CACNA1E: variants seen among roughly 807,000 people sequenced by gnomAD.
CACNA1E encodes the protein voltage-dependent R-type calcium channel subunit alpha-1E.
A neutral mutation model predicts 259.2 loss-of-function variants in CACNA1E; 40 were observed. The ratio of observed to expected loss-of-function variants is 0.15; its 90% CI spans 0.12 to 0.20. CACNA1E has a LOEUF of 0.20. CACNA1E is among the 10% of genes least tolerant of loss of function. CACNA1E has a pLI of 1.00. For missense variants in CACNA1E, 1,874 were observed against 3,040.1 expected (o/e 0.62, Z 9.02); for synonymous variants, 1,104 against 1,138.5 (o/e 0.97, Z 0.61).
intron 2 of CACNA1E, among the ~76,000 whole-genome samples, chr1:181,431,987 A>G (rs1237340149): frequency 3.9e-5 from 6 of 152,136 alleles, no homozygotes; most frequent in East Asian, 1.9e-4. Flanking sequence ...CCACCCTGCC[A>G]TCTTTAGTGT....
chr1:181,697,488 T>G (rs950271791), intron 7 of CACNA1E, among the ~76,000 whole-genome samples: 13 of 152,250 alleles, frequency 8.5e-5, no homozygotes, highest in Non-Finnish European at 1.5e-4. Context: ...AAGTGGTCAT[T>G]AGTATGATGA....
chr1:181,628,830 ACTGATTGAT>A (rs1250681330), intron 6 of CACNA1E, among the ~76,000 whole-genome samples: 1 of 152,158 alleles, frequency 6.6e-6, no homozygotes, highest in East Asian at 1.9e-4. Flanking sequence ...AACATTCATT[ACTGATTGAT>A]CTTGAGTTGG....
intron 1 of CACNA1E, among the ~76,000 whole-genome samples, chr1:181,375,771 C>T (rs1430116351): frequency 6.6e-6 from 1 of 152,148 alleles, no homozygotes; most frequent in Non-Finnish European, 1.5e-5. Flanking sequence ...TCTACTCATC[C>T]TTCCAGTCTT....
chr1:181,730,792 G>T lies in CACNA1E; in HGVS notation c.2241-383G>T, dbSNP rs141760958. Among the ~76,000 whole-genome samples the T allele has an allele frequency of 2.5e-3, 382 of 152,290 alleles. 4 individuals carry two copies. Among genetic ancestry groups the T allele is most frequent in the African/African-American group, 8.8e-3 (364 of 41,554 alleles). On this transcript the variant is annotated intron_variant, in intron 18 of 47. Transcript: ENST00000367573. ...GCTATGCTAGCCCTAGAAATGACTC[G>T]GGGGAGGGGAAGAAAACTACTCAGC...
chr1:181,407,912 A>G (rs1041246909), intron 1 of CACNA1E, among the ~76,000 whole-genome samples: 53 of 152,236 alleles, frequency 3.5e-4, no homozygotes, highest in African/African-American at 1.3e-3. Flanking sequence ...TTTCCATCTT[A>G]TAACTTTTAA....
At chr1:181,718,025 G>T in intron 11 of CACNA1E, 30 bp from the exon 12 acceptor site, 1 of 1,140,998 alleles carries the variant, frequency 8.8e-7, no homozygotes, top group South Asian at 1.3e-5. Context: ...CCCACATGTG[G>T]AACCAATGCT....
chr1:181,754,755 G>A (rs1433945705), intron 27 of CACNA1E, among the ~76,000 whole-genome samples: 3 of 152,184 alleles, frequency 2.0e-5, no homozygotes, highest in Non-Finnish European at 4.4e-5. Flanking sequence ...AGATGATAGT[G>A]TATTATTACC....
chr1:181,562,922 A>C (rs1412053460), intron 3 of CACNA1E, among the ~76,000 whole-genome samples: 4 of 152,194 alleles, frequency 2.6e-5, no homozygotes, highest in African/African-American at 9.6e-5. Context: ...CAGGCAGCAA[A>C]CAGTTCCTGT....
intron 2 of CACNA1E, among the ~76,000 whole-genome samples, chr1:181,471,009 A>C (rs184938540): frequency 5.5e-4 from 84 of 152,310 alleles, no homozygotes; most frequent in African/African-American, 1.8e-3. Flanking sequence ...TCAAAGATCA[A>C]AGTGCTGGCA....
chr1:181,611,402 G>GTT (rs72452833), intron 6 of CACNA1E, among the ~76,000 whole-genome samples: 26 of 145,348 alleles, frequency 1.8e-4, no homozygotes, highest in Non-Finnish European at 2.0e-4. Context: ...TTAAGTCAGT[G>GTT]TTTTTTTTTT....
At chr1:181,365,983 T>A (rs1296549229) in intron 1 of CACNA1E, among the ~76,000 whole-genome samples, 2 of 152,130 alleles carry the variant, frequency 1.3e-5, no homozygotes, top group African/African-American at 4.8e-5. Context: ...TGGGGAGATG[T>A]TGCAGGGGAC....
Position 181,707,553 on chromosome 1 carries a change from C to A in CACNA1E, c.1056-3401C>A, listed in dbSNP as rs79902836. Among the ~76,000 whole-genome samples, 1,216 of 152,258 alleles carry A rather than the reference C, an allele frequency of 8.0e-3. 12 individuals are homozygous for A. Among genetic ancestry groups the A allele is most frequent in the Non-Finnish European group, 0.012 (844 of 68,018 alleles). ...TTGGCCTATCCTACCAGAAATCAAG[C>A]TACATCGTCATTCTGGGGGCCTTAT... On this transcript the variant is annotated intron_variant, in intron 7 of 47. Transcript: ENST00000367573.
At chr1:181,656,690 T>A (rs1028169382) in intron 7 of CACNA1E, among the ~76,000 whole-genome samples, 1 of 152,220 alleles carries the variant, frequency 6.6e-6, no homozygotes, top group Non-Finnish European at 1.5e-5. Flanking sequence ...CACTCACCAC[T>A]CACTTTCTGA....
chr1:181,362,495 A>G (rs1653959566), intron 1 of CACNA1E, among the ~76,000 whole-genome samples: 1 of 152,230 alleles, frequency 6.6e-6, no homozygotes. Context: ...TCCAGACCTC[A>G]GTTTCCTTGT....
intron 7 of CACNA1E, among the ~76,000 whole-genome samples, chr1:181,682,587 G>A (rs1293327955): frequency 6.6e-6 from 1 of 152,196 alleles, no homozygotes; most frequent in Non-Finnish European, 1.5e-5. Flanking sequence ...AGACTGGGTA[G>A]TTTATGTAGA....
rs569173106 is a variant in CACNA1E, at chr1:181,473,518, A to G, written c.435-10226A>G. Among the ~76,000 whole-genome samples the G allele has an allele frequency of 7.9e-5, 12 of 152,292 alleles. No individual in the cohort carries two copies. The South Asian group carries it at 2.5e-3, about 32-fold the overall frequency. On this transcript the variant is annotated intron_variant, in intron 2 of 11. Coordinates refer to the CACNA1E transcript ENST00000524607. ...GGTTGGGCTACGAATGTATCATCACATTTGGTTTATCAGTAGCCCCATGCG... is the reference window on the plus strand; with the variant it reads ...GGTTGGGCTACGAATGTATCATCACGTTTGGTTTATCAGTAGCCCCATGCG...
At chr1:181,717,766 G>A (rs887155416) in intron 11 of CACNA1E, among the ~76,000 whole-genome samples, 14 of 152,118 alleles carry the variant, frequency 9.2e-5, no homozygotes, top group African/African-American at 3.1e-4. Flanking sequence ...TTTGATCAAA[G>A]CCATAGTAAG....
intron 1 of CACNA1E, among the ~76,000 whole-genome samples, chr1:181,319,302 G>T (rs1299281104): frequency 6.6e-6 from 1 of 152,224 alleles, no homozygotes; most frequent in East Asian, 1.9e-4. Flanking sequence ...AGGAAAGGAT[G>T]TTTCTGATGC....
Position 181,807,771 on chromosome 1 carries a change from C to G in CACNA1E, c.*8937C>G, listed in dbSNP as rs1027005111. 1.3e-5 allele frequency: 2 copies of G among 152,014 alleles called. No homozygotes were observed. Among genetic ancestry groups the G allele is most frequent in the African/African-American group, 4.8e-5 (2 of 41,396 alleles). The allele number at this position is 152,014 out of a possible 1,614,324, so 9.4% of individuals were successfully genotyped here. On this transcript the variant is annotated 3_prime_UTR_variant, in exon 48 of 48. Transcript: ENST00000367573. ...AAAAATGTGATATGTGGTCATCTCTCAGGGAGGTCTAGGTCCTTGCAGGCT... is the reference window on the plus strand; with the variant it reads ...AAAAATGTGATATGTGGTCATCTCTGAGGGAGGTCTAGGTCCTTGCAGGCT...
Sources: gnomAD v4.1 joint callset for allele counts (sites outside exome capture counted in the v4.1 genomes callset) on GRCh38, gnomAD v4.1.1 for gene constraint, MANE v1.5 for transcripts, NCBI Gene and HGNC (gene_info 2026-07-23, HGNC 2026-07-21) for gene names.